Variants in SPTBN4 observed in about 807,000 individuals in gnomAD.
SPTBN4 encodes spectrin beta, non-erythrocytic 4.
SPTBN4 carries 96 observed loss-of-function variants against 277.8 expected under a neutral mutation model. That is an observed-to-expected ratio of 0.35 (90% CI 0.29 to 0.41). SPTBN4 has a LOEUF of 0.41. Among genes scored for constraint, SPTBN4 ranks in the 10% least tolerant of loss-of-function variants. The probability of loss-of-function intolerance (pLI) is 1.00; values close to 1 mark genes in which losing one functional copy is unlikely to be tolerated. For synonymous variants in SPTBN4, 1,481 were observed against 1,580.3 expected (o/e 0.94, Z 1.49); for missense variants, 3,006 against 3,595.7 (o/e 0.84, Z 4.19).
Position 40,512,974 on chromosome 19 carries a change from G to A in SPTBN4, c.2185G>A (p.Gly729Ser), listed in dbSNP as rs1222224686. ...GTGTGGCGAGGAGCTGGTTGCGGCC[G>A]GCGGTGCCGTCGGCCCGGGAGCAGA... ...LRCGEELVAAGGAVGPGADTV... is the reference protein window; with the variant it reads ...LRCGEELVAASGAVGPGADTV... Residue 729 changes from glycine to serine, a missense_variant, in exon 14 of 36, where the codon GGC (glycine) becomes AGC (serine). By Grantham distance (56) the Gly-to-Ser change is moderately conservative. This residue lies in a region of SPTBN4 where 1,759 missense variants were observed against 2,061.5 expected (regional missense o/e 0.85). Transcript: ENST00000598249. The A allele has an allele frequency of 2.1e-6, 3 of 1,412,986 alleles. No homozygotes were observed. The highest frequency in any genetic ancestry group is 3.0e-5 in the South Asian group (2 of 67,354). The allele number at this position is 1,412,986 out of a possible 1,614,324, so 87.5% of individuals were successfully genotyped here.
chr19:40,550,700 G>GT (rs1193997603), intron 22 of SPTBN4, among the ~76,000 whole-genome samples: 3 of 151,912 alleles, frequency 2.0e-5, no homozygotes, highest in Admixed American at 6.6e-5. Flanking sequence ...ATGGACGGCG[G>GT]GGGGTGGGGT....
chr19:40,498,413 ATTTATTTT>A (rs1200162605), intron 7 of SPTBN4, among the ~76,000 whole-genome samples: 122 of 127,748 alleles, frequency 9.6e-4, no homozygotes, highest in African/African-American at 2.4e-3. Context: ...TTATTTATTT[ATTTATTTT>A]TTTAGATGGA....
chr19:40,556,169 G>A lies in SPTBN4; in HGVS notation c.5170G>A (p.Glu1724Lys). The A allele has an allele frequency of 6.2e-7, 1 of 1,613,454 alleles. No homozygotes were observed. Among genetic ancestry groups the A allele is most frequent in the Non-Finnish European group, 8.5e-7 (1 of 1,179,996 alleles). ...GGGTGAGGAGCGCCGGGTGGCTCTGGAACAGCAGTACTGGCTGTACCAGCT... is the reference window on the plus strand; with the variant it reads ...GGGTGAGGAGCGCCGGGTGGCTCTGAAACAGCAGTACTGGCTGTACCAGCT... The part of the protein sequence containing the change: ...ELGEERRVAL[E>K]QQYWLYQLSR... Residue 1724 changes from glutamate to lysine, a missense_variant, in exon 25 of 36, where the codon GAA becomes AAA. Glu to Lys is a moderately conservative substitution (Grantham distance 56). Transcript: ENST00000598249.
intron 18 of SPTBN4, 148 bp from the exon 19 acceptor site, chr19:40,532,477 T>C (rs2080687386): frequency 2.0e-6 from 2 of 995,048 alleles, no homozygotes; most frequent in Non-Finnish European, 2.8e-6. Context: ...TATAAAGGCC[T>C]CACTTGCAAA....
rs181729311 is a variant in SPTBN4, at chr19:40,534,478, A to G, written c.4359+135A>G. ...ATTTCAAACTTGTAGAAGATGAGAA[A>G]GGGAATATTGAAGCAATCCAGCTAG... On this transcript the variant is annotated intron_variant, in intron 20 of 35. Transcript: ENST00000598249. The G allele has an allele frequency of 8.1e-6, 10 of 1,236,856 alleles. No homozygotes were observed. In the African/African-American group the frequency reaches 1.5e-4, roughly 19 times the overall value. 76.6% of individuals were successfully genotyped at this position (1,236,856 alleles called of 1,614,324 possible). A position where few individuals can be genotyped will look rare whatever the true frequency, so the allele number is the denominator to read the frequency against.
At chr19:40,573,935 A>C (rs1168854082) in intron 35 of SPTBN4, among the ~76,000 whole-genome samples, 1 of 151,766 alleles carries the variant, frequency 6.6e-6, no homozygotes, top group Non-Finnish European at 1.5e-5. Context: ...CCCCGTCTCT[A>C]CTAAAAATAC....
intron 20 of SPTBN4, among the ~76,000 whole-genome samples, chr19:40,536,493 T>A (rs1324092521): frequency 6.6e-6 from 1 of 152,048 alleles, no homozygotes; most frequent in East Asian, 1.9e-4. Flanking sequence ...GGATTACAGG[T>A]GTGAGCCACT....
Position 40,569,717 on chromosome 19 carries a change from G to T in SPTBN4, c.7017G>T (p.Leu2339=). ...AGGAGAAAGAGGCAGGCCCAGGGCT[G>T]CCTGCTGGGGTAAGTTGAGCCTCGG... is the stretch of plus-strand genomic sequence containing the variant. ...QLQEKEAGPG[L]PAGPSLPQPR... Residue 2339 remains leucine (L), a synonymous_variant, in exon 32 of 36, where the codon CTG becomes CTT. Coordinates refer to ENST00000598249, the MANE Select transcript of SPTBN4 (RefSeq NM_020971.3). 6.2e-7 allele frequency: 1 copy of T among 1,611,256 alleles called. No homozygotes were observed. The highest frequency in any genetic ancestry group is 8.5e-7 in the Non-Finnish European group (1 of 1,179,016).
At chr19:40,503,372 G>T (rs2080285261) in intron 11 of SPTBN4, among the ~76,000 whole-genome samples, 1 of 151,980 alleles carries the variant, frequency 6.6e-6, no homozygotes, top group African/African-American at 2.4e-5. Context: ...GTAACAGGAG[G>T]GTGGGACTTG....
chr19:40,531,367 G>A (rs112093859), intron 18 of SPTBN4, among the ~76,000 whole-genome samples: 1 of 151,398 alleles, frequency 6.6e-6, no homozygotes, highest in African/African-American at 2.4e-5. Flanking sequence ...ATGCTCAGGG[G>A]ACATGGGCTG....
rs1169262717 is a variant in SPTBN4, at chr19:40,513,436, G to A, written c.2647G>A (p.Val883Ile). The change falls in exon 14 of 36, where the codon GTC becomes ATC. Residue 883 changes from valine (V) to isoleucine (I), a missense_variant. Transcript: ENST00000598249. The part of the protein sequence containing the change: ...RRQWLRDALA[V>I]YRMFGEVHAC... ...CCAGTGGCTGCGGGACGCGCTCGCT[G>A]TCTACCGCATGTTTGGCGAGGTGCA... 1.9e-6 allele frequency: 3 copies of A among 1,604,394 alleles called. No homozygotes were observed. The highest frequency in any genetic ancestry group is 2.5e-6 in the Non-Finnish European group (3 of 1,178,346).
chr19:40,497,795 C>A (rs897313452), intron 7 of SPTBN4, among the ~76,000 whole-genome samples, 191 bp downstream of exon 7: 2 of 151,818 alleles, frequency 1.3e-5, no homozygotes, highest in African/African-American at 4.8e-5. Context: ...CATGTGCGAT[C>A]CCTCCCACAT....
intron 11 of SPTBN4, 69 bp downstream of exon 11, chr19:40,503,002 G>C: frequency 6.5e-7 from 1 of 1,543,156 alleles, no homozygotes; most frequent in Non-Finnish European, 8.8e-7. Context: ...TGGGACCAGA[G>C]AGGGAGACTT....
chr19:40,471,911 T>C (rs952743756), intron 1 of SPTBN4, among the ~76,000 whole-genome samples: 2,139 of 103,094 alleles, frequency 0.021, 62 homozygotes, highest in African/African-American at 0.085. Context: ...AGCTATTTTT[T>C]TTTTTTTTTT....
intron 17 of SPTBN4, among the ~76,000 whole-genome samples, chr19:40,526,604 A>G (rs547590577): frequency 6.6e-6 from 1 of 152,176 alleles, no homozygotes; most frequent in South Asian, 2.1e-4. Flanking sequence ...TTTTTTTTAA[A>G]GACAGGGTCT....
intron 2 of SPTBN4, among the ~76,000 whole-genome samples, chr19:40,483,436 A>G (rs578120421): frequency 1.5e-4 from 23 of 152,224 alleles, no homozygotes; most frequent in Non-Finnish European, 2.8e-4. Flanking sequence ...TAAAAATACA[A>G]TTTTTTAAAA....
intron 32 of SPTBN4, among the ~76,000 whole-genome samples, chr19:40,570,007 CACAGACACAGAT>C (rs1453571487): frequency 3.7e-4 from 56 of 150,926 alleles, no homozygotes; most frequent in African/African-American, 1.2e-3. Flanking sequence ...CACACAGACA[CACAGACACAGAT>C]ACACACACAG....
rs369418368 is a variant in SPTBN4 at position 40,502,527 on chromosome 19, G to A, written c.1203+20G>A. 6.3e-5 allele frequency: 101 copies of A among 1,597,114 alleles called. No homozygotes were observed. In the African/African-American group the frequency reaches 1.0e-3, roughly 16 times the overall value. Reference sequence around the variant, plus strand: ...GACAAGGTGAGGCCGGGGATGCAGGGGAGAGGCGGGGTTGCACTGTGGAGT... The same window carrying A: ...GACAAGGTGAGGCCGGGGATGCAGGAGAGAGGCGGGGTTGCACTGTGGAGT... On this transcript the variant is annotated intron_variant, in intron 10 of 35. Transcript: ENST00000598249. The surrounding 1 kb of genome is among the most constrained non-coding windows in gnomAD (Gnocchi z 4.9).
intron 17 of SPTBN4, 69 bp from the exon 18 acceptor site, chr19:40,528,972 C>A: frequency 8.2e-7 from 1 of 1,215,680 alleles, no homozygotes; most frequent in Admixed American, 1.7e-5. Context: ...AGTGCCCTCA[C>A]AGTCCTACTG....
Sources: allele counts gnomAD v4.1 joint callset (sites outside exome capture counted in the v4.1 genomes callset), GRCh38; gene constraint gnomAD v4.1.1; regional missense constraint gnomAD v4.1.1; non-coding constraint Gnocchi (gnomAD v3.1); transcripts MANE v1.5; gene names NCBI Gene and HGNC (gene_info 2026-07-23, HGNC 2026-07-21).